Variants in TNPO1 observed in about 807,000 individuals in gnomAD.
TNPO1 encodes the protein transportin-1.
TNPO1 carries 8 observed loss-of-function variants against 119.5 expected under a neutral mutation model. The observed-to-expected ratio is 0.07, with a 90% confidence interval of 0.04 to 0.12. TNPO1 has a LOEUF of 0.12. Among genes scored for constraint, TNPO1 ranks in the 10% least tolerant of loss-of-function variants. The pLI, the probability that TNPO1 is intolerant of heterozygous loss-of-function variation, is 1.00. For synonymous variants in TNPO1, 362 were observed against 363.0 expected, an observed-to-expected ratio of 1.00 and a Z score of 0.03; for missense variants, 576 against 1,089.8, an observed-to-expected ratio of 0.53 and a Z score of 6.64.
intron 1 of TNPO1, among the ~76,000 whole-genome samples, chr5:72,831,322 CATATTGTTTGAGCTATAT>C (rs1744450833): frequency 6.6e-6 from 1 of 151,818 alleles, no homozygotes; most frequent in Non-Finnish European, 1.5e-5. Context: ...TCTAGTTCAA[CATATTGTTTGAGCTATAT>C]ATATTGTTTT....
intron 5 of TNPO1, among the ~76,000 whole-genome samples, chr5:72,865,183 T>C (rs570026055): frequency 6.8e-4 from 103 of 152,300 alleles, no homozygotes; most frequent in African/African-American, 2.2e-3. Flanking sequence ...GGCCCATGCC[T>C]GTAATCCCAG....
intron 7 of TNPO1, among the ~76,000 whole-genome samples, chr5:72,873,436 CTT>C (rs1747551002): frequency 6.6e-6 from 1 of 152,052 alleles, no homozygotes; most frequent in African/African-American, 2.4e-5. Flanking sequence ...GGTTACGTTA[CTT>C]TTTTTCTCGT....
At chr5:72,838,293 C>A (rs1176562673) in intron 1 of TNPO1, among the ~76,000 whole-genome samples, 1 of 152,150 alleles carries the variant, frequency 6.6e-6, no homozygotes, top group Non-Finnish European at 1.5e-5. Flanking sequence ...CACTTCAGAA[C>A]TTCAGGAGCA....
intron 1 of TNPO1, among the ~76,000 whole-genome samples, chr5:72,835,804 G>A (rs918281723): frequency 6.6e-6 from 1 of 152,142 alleles, no homozygotes; most frequent in East Asian, 1.9e-4. Flanking sequence ...AAAGTCTGAA[G>A]CCGAGAATCT....
At chr5:72,899,444 A>G (rs1455491371) in intron 20 of TNPO1, among the ~76,000 whole-genome samples, 2 of 151,354 alleles carry the variant, frequency 1.3e-5, no homozygotes, top group Admixed American at 1.3e-4. Flanking sequence ...TGGTTTGGCA[A>G]ATGTTAATCA....
At chr5:72,905,133 G>A (rs776000687) in intron 23 of TNPO1, among the ~76,000 whole-genome samples, 170 bp from the exon 24 acceptor site, 2 of 152,176 alleles carry the variant, frequency 1.3e-5, no homozygotes, top group Non-Finnish European at 2.9e-5. Context: ...TGGGGACACA[G>A]AGCCAGACCA....
chr5:72,903,450 A>C (rs1047587805), intron 22 of TNPO1, among the ~76,000 whole-genome samples: 1 of 152,176 alleles, frequency 6.6e-6, no homozygotes, highest in Non-Finnish European at 1.5e-5. Context: ...CATTTATTGC[A>C]CAGGGGGTTA....
At position 72,883,072 on chromosome 5, in the gene TNPO1, T is replaced by C; in HGVS notation, c.990T>C (p.Val330=). 6.2e-7 allele frequency: 1 copy of C among 1,612,106 alleles called. No individual in the cohort carries two copies. The highest frequency in any genetic ancestry group is 8.5e-7 in the Non-Finnish European group (1 of 1,179,296). Residue 330 remains valine (V), a synonymous_variant, in exon 11 of 25, where the codon GTT becomes GTC. Transcript: ENST00000337273. ...TCTTAAAAAAACAACAGGGTGATGT[T>C]GAAGAAGACGAAACGATTCCTGATA... ...DIDIILLKGD[V]EEDETIPDSE... is the part of the protein sequence containing the mutation.
At chr5:72,861,099 T>G (rs989701556) in intron 4 of TNPO1, among the ~76,000 whole-genome samples, 2 of 151,946 alleles carry the variant, frequency 1.3e-5, no homozygotes, top group African/African-American at 4.8e-5. Flanking sequence ...TTAGTAGAGA[T>G]GGGGTTTCTC....
At chr5:72,903,273 CTA>C (rs1749918378) in intron 22 of TNPO1, among the ~76,000 whole-genome samples, 2 of 152,072 alleles carry the variant, frequency 1.3e-5, no homozygotes, top group African/African-American at 4.8e-5. Context: ...ACTAATTTCT[CTA>C]TTTCAAATCA....
At position 72,883,153 on chromosome 5, in the gene TNPO1, T is replaced by C. The variant is rs1470843718; in HGVS notation, c.1071T>C (p.His357=). Residue 357 remains histidine, a synonymous_variant, in exon 11 of 25, where the codon CAT becomes CAC. Coordinates refer to ENST00000337273, the MANE Select transcript of TNPO1 (RefSeq NM_002270.4). The stretch of plus-strand genomic sequence containing the variant: ...GATCGAGGACGGTGGCTCAGCAGCA[T>C]GATGAAGATGGAATTGAAGAGGAAG... ...FHRSRTVAQQ[H]DEDGIEEEDD... is the part of the protein sequence containing the mutation. The C allele has an allele frequency of 6.2e-7, 1 of 1,613,502 alleles. No individual in the cohort carries two copies.
At chr5:72,887,776 T>A (rs936591204) in intron 12 of TNPO1, among the ~76,000 whole-genome samples, 2 of 152,216 alleles carry the variant, frequency 1.3e-5, no homozygotes, top group African/African-American at 4.8e-5. Flanking sequence ...AATCCTTGAT[T>A]CTTTAGGTAA....
chr5:72,874,458 C>A (rs1437836595), intron 7 of TNPO1, among the ~76,000 whole-genome samples: 2 of 152,086 alleles, frequency 1.3e-5, no homozygotes, highest in African/African-American at 4.8e-5. Context: ...ATCCCCACCC[C>A]CAACCCAGTT....
intron 23 of TNPO1, among the ~76,000 whole-genome samples, chr5:72,904,186 G>C (rs1158928093): frequency 6.6e-6 from 1 of 152,150 alleles, no homozygotes; most frequent in Admixed American, 6.5e-5. Flanking sequence ...TAACTCGTCA[G>C]TACTCAACCA....
intron 4 of TNPO1, among the ~76,000 whole-genome samples, chr5:72,856,158 T>C (rs999341155): frequency 6.6e-6 from 1 of 152,188 alleles, no homozygotes; most frequent in African/African-American, 2.4e-5. Context: ...TAATCAGAGT[T>C]GGTTAAAATG....
intron 21 of TNPO1, chr5:72,900,750 C>G: frequency 3.0e-6 from 1 of 331,840 alleles, no homozygotes; most frequent in Non-Finnish European, 5.5e-6. Context: ...TTTATAAATG[C>G]AATTTATTAA....
In TNPO1 at chr5:72,819,441, T is replaced by C. The variant is rs1296230213; in HGVS notation, c.15+2689T>C. On this transcript the variant is annotated intron_variant, in intron 1 of 24. Transcript: ENST00000337273. Reference sequence around the variant, plus strand: ...TGCTTTGAAGGGTCCTTTGAAGTACTGTAAGTTGCTGTAGTAAGTAGGAAT... The same window carrying C: ...TGCTTTGAAGGGTCCTTTGAAGTACCGTAAGTTGCTGTAGTAAGTAGGAAT... Among the ~76,000 whole-genome samples the C allele has an allele frequency of 2.0e-5, 3 of 152,352 alleles. No homozygotes were observed. In the East Asian group the frequency reaches 5.8e-4, roughly 29 times the overall value.
chr5:72,897,868 T>A (rs1749547594), intron 20 of TNPO1, among the ~76,000 whole-genome samples: 1 of 152,072 alleles, frequency 6.6e-6, no homozygotes, highest in Non-Finnish European at 1.5e-5. Flanking sequence ...ATTCAATGAG[T>A]ATTCTACCAA....
At chr5:72,875,768 C>T (rs779054265) in intron 8 of TNPO1, 31 bp downstream of exon 8, 18 of 1,582,564 alleles carry the variant, frequency 1.1e-5, no homozygotes, top group Middle Eastern at 1.7e-4. Flanking sequence ...GCTCTTTCAT[C>T]ATCTTTCCCC....
Sources: allele counts gnomAD v4.1 joint callset (sites outside exome capture counted in the v4.1 genomes callset), GRCh38; gene constraint gnomAD v4.1.1; transcripts MANE v1.5; gene names NCBI Gene and HGNC (gene_info 2026-07-23, HGNC 2026-07-21).